The following NTRK3 variants were observed in gnomAD, a reference collection of about 807,000 sequenced individuals.
NTRK3 encodes the protein neurotrophic receptor tyrosine kinase 3.
NTRK3 carries 24 observed loss-of-function variants against 91.7 expected under a neutral mutation model. That is an observed-to-expected ratio of 0.26 (90% CI 0.19 to 0.37). The LOEUF is 0.37. Ranked by LOEUF, NTRK3 falls within the 10% of genes least tolerant of loss-of-function variation. The pLI is 1.00. For synonymous variants in NTRK3, 483 were observed against 404.0 expected (o/e 1.20, Z -2.34); for missense variants, 880 against 1,068.9 (o/e 0.82, Z 2.46).
intron 14 of NTRK3, among the ~76,000 whole-genome samples, chr15:88,011,641 T>C (rs2076888147): frequency 6.6e-6 from 1 of 152,160 alleles, no homozygotes; most frequent in African/African-American, 2.4e-5. Context: ...ATACACATCC[T>C]GGCAGTGTAT....
At chr15:87,967,313 C>G (rs777845653) in intron 14 of NTRK3, among the ~76,000 whole-genome samples, 6 of 152,162 alleles carry the variant, frequency 3.9e-5, no homozygotes, top group Non-Finnish European at 7.3e-5. Flanking sequence ...ACAGGTCCCT[C>G]TGCTGGGTGG....
chr15:88,115,848 C>T (rs1478166384), intron 13 of NTRK3, among the ~76,000 whole-genome samples: 1 of 152,062 alleles, frequency 6.6e-6, no homozygotes, highest in Non-Finnish European at 1.5e-5. Context: ...CCAACTTAAC[C>T]CATGGGGCTT....
intron 13 of NTRK3, among the ~76,000 whole-genome samples, chr15:88,109,958 T>A (rs1489090682): frequency 6.6e-6 from 1 of 152,190 alleles, no homozygotes; most frequent in Non-Finnish European, 1.5e-5. Context: ...AATTGCTTTA[T>A]ATACACAATT....
At chr15:87,861,442 T>A (rs891587060) in exon 19 of NTRK3, 15 of 204,226 alleles carry the variant, frequency 7.3e-5, no homozygotes, top group Admixed American at 6.0e-4. Flanking sequence ...CGACAATAAA[T>A]CCTTCATTTC....
chr15:87,885,018 A>G (rs935317804), intron 17 of NTRK3, among the ~76,000 whole-genome samples: 1 of 151,918 alleles, frequency 6.6e-6, no homozygotes, highest in South Asian at 2.1e-4. Context: ...ATGACTATTC[A>G]AGACAATTAA....
chr15:87,987,806 G>A (rs1401640952), intron 14 of NTRK3, among the ~76,000 whole-genome samples: 4 of 151,482 alleles, frequency 2.6e-5, no homozygotes, highest in African/African-American at 7.3e-5. Context: ...AAAGTACTAC[G>A]TTTAGGGCTG....
At chr15:87,957,640 A>ATGG (rs553727452) in intron 14 of NTRK3, among the ~76,000 whole-genome samples, 165 of 151,956 alleles carry the variant, frequency 1.1e-3, no homozygotes, top group African/African-American at 3.6e-3. Flanking sequence ...GAGGAAACAA[A>ATGG]TGTGCACTGT....
At chr15:88,152,896 A>G (rs775733482) in intron 5 of NTRK3, among the ~76,000 whole-genome samples, 74 of 152,324 alleles carry the variant, frequency 4.9e-4, no homozygotes, top group African/African-American at 1.7e-3. Context: ...CTGCAAAAAG[A>G]TTATTAAAAG....
At chr15:87,873,180 C>T (rs1212890609) in exon 19 of NTRK3, 2 of 231,662 alleles carry the variant, frequency 8.6e-6, no homozygotes, top group Non-Finnish European at 1.7e-5. Context: ...TAGAGAAGAA[C>T]ATTAATGTTC....
intron 3 of NTRK3, among the ~76,000 whole-genome samples, chr15:88,219,431 C>T (rs564998518): frequency 3.3e-5 from 5 of 152,364 alleles, no homozygotes; most frequent in African/African-American, 9.6e-5. Context: ...GAGTCCCTCA[C>T]TGTGCAGGGC....
rs370608781 is a variant in NTRK3, at chr15:88,201,281, C to A, written c.249-16982G>T. 3.3e-5 allele frequency among the ~76,000 whole-genome samples: 5 copies of A among 152,242 alleles called. No homozygotes were observed. The East Asian group carries it at 9.6e-4, about 29-fold the overall frequency. ...GAGCCCACCTATTGATAGTTTTATT[C>A]CTTTTCCTCACCAGCATGCCATTGG... is the stretch of plus-strand genomic sequence containing the variant. On this transcript the variant is annotated intron_variant, in intron 3 of 18. Coordinates refer to ENST00000394480, the Ensembl canonical transcript of NTRK3.
intron 5 of NTRK3, among the ~76,000 whole-genome samples, chr15:88,154,471 C>T (rs1359675913): frequency 3.3e-5 from 5 of 152,228 alleles, no homozygotes; most frequent in Non-Finnish European, 7.3e-5. Flanking sequence ...AAATATTTTC[C>T]TACATCATTG....
rs1443360293 is a variant in NTRK3 at position 88,237,546 on chromosome 15, T to C, written c.248+18360A>G. Among the ~76,000 whole-genome samples, 2 of 152,226 alleles carry C rather than the reference T, an allele frequency of 1.3e-5. No individual in the cohort carries two copies. The highest frequency in any genetic ancestry group is 4.8e-5 in the African/African-American group (2 of 41,458). On this transcript the variant is annotated intron_variant, in intron 3 of 18. Transcript: ENST00000394480. The surrounding 1 kb of genome is among the most constrained non-coding windows in gnomAD (Gnocchi z 4.0). Reference sequence around the variant, plus strand: ...TAAGAGAGCTAGAAATCATGCACTTTATATATGAGTTGTTTTGCTTATTTA... The same window carrying C: ...TAAGAGAGCTAGAAATCATGCACTTCATATATGAGTTGTTTTGCTTATTTA...
At chr15:88,075,730 C>G (rs1235557345) in intron 13 of NTRK3, among the ~76,000 whole-genome samples, 1 of 152,182 alleles carries the variant, frequency 6.6e-6, no homozygotes, top group Non-Finnish European at 1.5e-5. Context: ...TTATTTGCAA[C>G]AACAGTAGAT....
At chr15:88,011,069 ATATTTTCT>A (rs1383865154) in intron 14 of NTRK3, among the ~76,000 whole-genome samples, 4 of 152,062 alleles carry the variant, frequency 2.6e-5, no homozygotes, top group African/African-American at 9.7e-5. Flanking sequence ...TTGTTGAGGG[ATATTTTCT>A]TATCCAGTAT....
intron 14 of NTRK3, among the ~76,000 whole-genome samples, chr15:87,943,740 G>A (rs2070139665): frequency 6.6e-6 from 1 of 152,204 alleles, no homozygotes; most frequent in East Asian, 1.9e-4. Context: ...CCAAGTGGGA[G>A]CAGCATCCAG....
intron 17 of NTRK3, among the ~76,000 whole-genome samples, chr15:87,922,801 C>A (rs985090738): frequency 6.6e-6 from 1 of 152,146 alleles, no homozygotes; most frequent in African/African-American, 2.4e-5. Flanking sequence ...TATTTCTTCC[C>A]TGTTTTTCTT....
At chr15:88,028,810 A>G (rs1368817446) in intron 14 of NTRK3, among the ~76,000 whole-genome samples, 1 of 152,044 alleles carries the variant, frequency 6.6e-6, no homozygotes, top group African/African-American at 2.4e-5. Flanking sequence ...AAAAGGATGA[A>G]CAGAGAACCC....
intron 13 of NTRK3, among the ~76,000 whole-genome samples, chr15:88,124,031 G>A (rs923412486): frequency 6.6e-6 from 1 of 152,276 alleles, no homozygotes; most frequent in African/African-American, 2.4e-5. Flanking sequence ...GTTGAGAAGA[G>A]GGATGCATTC....
Sources: allele counts gnomAD v4.1 joint callset (sites outside exome capture counted in the v4.1 genomes callset), GRCh38; gene constraint gnomAD v4.1.1; non-coding constraint Gnocchi (gnomAD v3.1); transcripts MANE v1.5; gene names NCBI Gene and HGNC (gene_info 2026-07-23, HGNC 2026-07-21).